PTPRD: variants seen among roughly 807,000 people sequenced by gnomAD.
The protein encoded by PTPRD is protein tyrosine phosphatase receptor type D, also known as receptor-type tyrosine-protein phosphatase delta.
A neutral mutation model predicts 214.5 loss-of-function variants in PTPRD; 34 were observed. That is an observed-to-expected ratio of 0.16 (90% CI 0.12 to 0.21). The LOEUF is 0.21. Among genes scored for constraint, PTPRD ranks in the 10% least tolerant of loss-of-function variants. The probability of loss-of-function intolerance (pLI) is 1.00; values close to 1 mark genes in which losing one functional copy is unlikely to be tolerated. For missense variants in PTPRD, 2,545 were observed against 2,398.7 expected (o/e 1.06, Z -1.27); for synonymous variants, 1,128 against 845.7 (o/e 1.33, Z -5.79).
At chr9:10,045,835 T>A (rs141279215) in intron 3 of PTPRD, among the ~76,000 whole-genome samples, 6 of 151,754 alleles carry the variant, frequency 4.0e-5, no homozygotes, top group African/African-American at 1.4e-4. Flanking sequence ...TTTCATCAAA[T>A]GATTTTTTTA....
intron 3 of PTPRD, among the ~76,000 whole-genome samples, chr9:10,307,296 G>T (rs1372796524): frequency 6.6e-6 from 1 of 151,972 alleles, no homozygotes; most frequent in Non-Finnish European, 1.5e-5. Flanking sequence ...AACATTTTTA[G>T]CTCTCACATA....
intron 11 of PTPRD, among the ~76,000 whole-genome samples, chr9:8,916,159 A>G (rs1052684732): frequency 2.0e-5 from 3 of 152,122 alleles, no homozygotes; most frequent in African/African-American, 7.2e-5. Flanking sequence ...ACAGTCTGGG[A>G]CTCAGAAGAG....
chr9:9,021,579 A>T (rs1589945266), intron 10 of PTPRD, among the ~76,000 whole-genome samples: 1 of 152,248 alleles, frequency 6.6e-6, no homozygotes, highest in East Asian at 1.9e-4. Context: ...GAATGGTCTC[A>T]GGTGGTATTC....
chr9:8,584,827 C>T (rs10977220), intron 14 of PTPRD, among the ~76,000 whole-genome samples: 8,285 of 152,156 alleles, frequency 0.054, 391 homozygotes, highest in East Asian at 0.14. Flanking sequence ...TGGGGAGGCC[C>T]CAGGAAACTT....
intron 26 of PTPRD, among the ~76,000 whole-genome samples, chr9:8,494,848 G>A (rs1289636974): frequency 1.3e-5 from 2 of 152,036 alleles, no homozygotes; most frequent in African/African-American, 4.8e-5. Flanking sequence ...TCTTTAAGTG[G>A]TGGGTGCACT....
In PTPRD at chr9:8,682,502, A is replaced by C. The variant is rs146165080; in HGVS notation, c.65-45658T>G. On this transcript the variant is annotated intron_variant, in intron 12 of 45. Transcript: ENST00000381196. ...ATTAAAAACCCCTGTGGTACACAAC[A>C]TATACATTTTTGCAATTAAAAAGAA... 3.8e-3 allele frequency among the ~76,000 whole-genome samples: 574 copies of C among 152,350 alleles called. 1 individual carries two copies. Among genetic ancestry groups the C allele is most frequent in the African/African-American group, 0.013 (551 of 41,586 alleles).
intron 9 of PTPRD, among the ~76,000 whole-genome samples, chr9:9,208,349 A>G (rs1042720039): frequency 1.3e-5 from 2 of 151,900 alleles, no homozygotes; most frequent in Non-Finnish European, 2.9e-5. Flanking sequence ...ACCTTGGAGG[A>G]CAAACCATAA....
At chr9:10,208,863 T>C (rs1253958714) in intron 3 of PTPRD, among the ~76,000 whole-genome samples, 1 of 152,204 alleles carries the variant, frequency 6.6e-6, no homozygotes, top group Non-Finnish European at 1.5e-5. Flanking sequence ...CGAGGCATAT[T>C]GCACCAGCTG....
intron 10 of PTPRD, among the ~76,000 whole-genome samples, chr9:9,102,248 T>C (rs1238670389): frequency 6.6e-6 from 1 of 152,144 alleles, no homozygotes; most frequent in Non-Finnish European, 1.5e-5. Context: ...ACAATAAGAG[T>C]ATTTTCTGTC....
At chr9:9,417,040 C>T (rs1467980845) in intron 8 of PTPRD, among the ~76,000 whole-genome samples, 1 of 152,082 alleles carries the variant, frequency 6.6e-6, no homozygotes, top group Non-Finnish European at 1.5e-5. Flanking sequence ...TGAACAAAAA[C>T]CTGGATATAC....
intron 5 of PTPRD, among the ~76,000 whole-genome samples, chr9:9,894,243 C>T (rs1051013418): frequency 1.6e-4 from 24 of 152,042 alleles, no homozygotes; most frequent in African/African-American, 5.6e-4. Context: ...TCTCTCAAAT[C>T]TTTTCCCCAC....
chr9:8,933,296 C>A (rs778398978), intron 11 of PTPRD, among the ~76,000 whole-genome samples: 1 of 139,660 alleles, frequency 7.2e-6, no homozygotes, highest in Non-Finnish European at 1.5e-5. Context: ...AGTTGCAGAC[C>A]AGAGCTGTTC....
intron 8 of PTPRD, among the ~76,000 whole-genome samples, chr9:9,436,278 T>G (rs917793541): frequency 5.3e-5 from 8 of 152,254 alleles, no homozygotes; most frequent in South Asian, 4.1e-4. Context: ...CTTCAATGGA[T>G]TTTCACTCTT....
At chr9:9,067,356 G>C (rs2099736341) in intron 10 of PTPRD, among the ~76,000 whole-genome samples, 1 of 152,170 alleles carries the variant, frequency 6.6e-6, no homozygotes, top group Non-Finnish European at 1.5e-5. Context: ...GCTTATGTTT[G>C]AATTCTTTGT....
chr9:10,031,927 G>A (rs1369537938), intron 4 of PTPRD, among the ~76,000 whole-genome samples: 1 of 152,130 alleles, frequency 6.6e-6, no homozygotes, highest in East Asian at 1.9e-4. Flanking sequence ...GGTTTTGAAT[G>A]AGAAGTCCCA....
intron 3 of PTPRD, among the ~76,000 whole-genome samples, chr9:10,149,369 A>G (rs1363065971): frequency 6.6e-6 from 1 of 152,204 alleles, no homozygotes; most frequent in Non-Finnish European, 1.5e-5. Flanking sequence ...GTGTGTACAA[A>G]AAGTTTTTAA....
chr9:8,675,558 A>T (rs975307257), intron 12 of PTPRD, among the ~76,000 whole-genome samples: 2 of 150,114 alleles, frequency 1.3e-5, no homozygotes, highest in African/African-American at 2.4e-5. Flanking sequence ...AAAAAAAAAA[A>T]AAAAACCTCA....
chr9:8,349,961 A>G (rs763755121), intron 39 of PTPRD, among the ~76,000 whole-genome samples: 6 of 150,686 alleles, frequency 4.0e-5, no homozygotes, highest in Non-Finnish European at 7.4e-5. Context: ...AATTTCAGTA[A>G]GTGATAGACG....
chr9:9,033,374 G>C (rs1382868464), intron 10 of PTPRD, among the ~76,000 whole-genome samples: 1 of 152,008 alleles, frequency 6.6e-6, no homozygotes, highest in Non-Finnish European at 1.5e-5. Flanking sequence ...TTAATGGCTG[G>C]GTTCAGACTA....
Sources: allele counts gnomAD v4.1 joint callset (sites outside exome capture counted in the v4.1 genomes callset), GRCh38; gene constraint gnomAD v4.1.1; transcripts MANE v1.5; gene names NCBI Gene and HGNC (gene_info 2026-07-23, HGNC 2026-07-21).